HRH1: variants seen among roughly 807,000 people sequenced by gnomAD.
HRH1 encodes the protein histamine H1 receptor.
HRH1 carries 6 observed loss-of-function variants against 10.3 expected under a neutral mutation model. The ratio of observed to expected loss-of-function variants is 0.58; its 90% CI spans 0.32 to 1.15. The LOEUF is 1.15. Among genes scored for constraint, HRH1 ranks in the 50% most tolerant of loss-of-function variants. The pLI is 0.05. For synonymous variants in HRH1, 242 were observed against 236.7 expected (o/e 1.02, Z -0.21); for missense variants, 514 against 615.3 (o/e 0.84, Z 1.74).
At chr3:11,240,427 G>A (rs1221235235) in intron 1 of HRH1, among the ~76,000 whole-genome samples, 3 of 152,002 alleles carry the variant, frequency 2.0e-5, no homozygotes, top group Non-Finnish European at 4.4e-5. Flanking sequence ...GTGAGTGGCA[G>A]CTGCCCTCTT....
rs200865775 is a variant in HRH1 at position 11,263,008 on chromosome 3, T to A, written c.*2507T>A. ...TTACAACAACCTCATGAGGGAGATTTCCATCTTTACAAATAGGCAAACTGA... is the reference window on the plus strand; with the variant it reads ...TTACAACAACCTCATGAGGGAGATTACCATCTTTACAAATAGGCAAACTGA... On this transcript the variant is annotated 3_prime_UTR_variant, in exon 2 of 2. Transcript: ENST00000431010. 6.0e-6 allele frequency: 1 copy of A among 167,104 alleles called. No homozygotes were observed. Among genetic ancestry groups the A allele is most frequent in the Non-Finnish European group, 1.5e-5 (1 of 68,120 alleles). The allele number at this position is 167,104 out of a possible 1,614,324, so 10.4% of individuals were successfully genotyped here. A position where few individuals can be genotyped will look rare whatever the true frequency, so the allele number is the denominator to read the frequency against.
At chr3:11,249,450 GGGGTGAA>G (rs1939580339) in intron 1 of HRH1, among the ~76,000 whole-genome samples, 1 of 151,604 alleles carries the variant, frequency 6.6e-6, no homozygotes, top group Admixed American at 6.6e-5. Context: ...GAGGGAGAAG[GGGGTGAA>G]GGAGGTGGAG....
chr3:11,186,843 A>G (rs1292193862), intron 1 of HRH1, among the ~76,000 whole-genome samples: 1 of 152,222 alleles, frequency 6.6e-6, no homozygotes, highest in Non-Finnish European at 1.5e-5. Flanking sequence ...AAATGCAGAT[A>G]GGAATTTAGT....
intron 1 of HRH1, among the ~76,000 whole-genome samples, chr3:11,193,208 A>G (rs528316941): frequency 6.6e-6 from 1 of 152,244 alleles, no homozygotes; most frequent in Non-Finnish European, 1.5e-5. Context: ...GAAATATCCC[A>G]TATGCAGGCT....
chr3:11,197,137 A>C (rs1937692350), intron 1 of HRH1, among the ~76,000 whole-genome samples: 1 of 151,606 alleles, frequency 6.6e-6, no homozygotes, highest in Non-Finnish European at 1.5e-5. Context: ...AAAAAAAAAA[A>C]AAAGCAGAAT....
chr3:11,193,438 C>G (rs1444842184), intron 1 of HRH1, among the ~76,000 whole-genome samples: 2 of 152,202 alleles, frequency 1.3e-5, no homozygotes, highest in Non-Finnish European at 2.9e-5. Context: ...AACTAGGTGG[C>G]TTATAAACGA....
At chr3:11,153,693 AG>A (rs1936704254), upstream of HRH1, among the ~76,000 whole-genome samples, 4 of 152,264 alleles carry the variant, frequency 2.6e-5, no homozygotes, top group Admixed American at 2.0e-4. Flanking sequence ...GAAGGCAGCC[AG>A]GAAGAATCCT....
chr3:11,230,187 G>A (rs1463151437), intron 1 of HRH1, among the ~76,000 whole-genome samples: 1 of 152,226 alleles, frequency 6.6e-6, no homozygotes, highest in Non-Finnish European at 1.5e-5. Flanking sequence ...GGTAGGTTCA[G>A]GGGAAGATGA....
chr3:11,206,410 G>A (rs1406293704), intron 1 of HRH1, among the ~76,000 whole-genome samples: 1 of 152,228 alleles, frequency 6.6e-6, no homozygotes, highest in East Asian at 1.9e-4. Context: ...GAGCCACCAC[G>A]CCAAGCGTGT....
intron 1 of HRH1, among the ~76,000 whole-genome samples, chr3:11,249,118 T>C (rs1276199207): frequency 2.0e-5 from 3 of 152,068 alleles, no homozygotes; most frequent in Non-Finnish European, 2.9e-5. Flanking sequence ...GGTTTAGGGC[T>C]GGGCGCGGTG....
chr3:11,227,487 A>G (rs1031847069), intron 1 of HRH1, among the ~76,000 whole-genome samples: 1 of 151,926 alleles, frequency 6.6e-6, no homozygotes, highest in Non-Finnish European at 1.5e-5. Context: ...AGGTTTCCCC[A>G]TGTTGTCCAG....
intron 1 of HRH1, among the ~76,000 whole-genome samples, chr3:11,256,280 A>G (rs1165365121): frequency 6.6e-6 from 1 of 152,150 alleles, no homozygotes; most frequent in African/African-American, 2.4e-5. Context: ...ATACCGCTGT[A>G]AGAAAGAGAC....
At chr3:11,238,577 C>T in intron 1 of HRH1, among the ~76,000 whole-genome samples, 1 of 152,158 alleles carries the variant, frequency 6.6e-6, no homozygotes, top group African/African-American at 2.4e-5. Flanking sequence ...AAAATTCACC[C>T]ATTCTAAGTG....
chr3:11,138,915 T>C (rs1936237843), intron 1 of HRH1, among the ~76,000 whole-genome samples: 1 of 151,154 alleles, frequency 6.6e-6, no homozygotes, highest in Non-Finnish European at 1.5e-5. Flanking sequence ...GCTCAAACAA[T>C]CCTCCCACCT....
chr3:11,140,903 T>A (rs1354557891), intron 1 of HRH1, among the ~76,000 whole-genome samples: 1 of 152,206 alleles, frequency 6.6e-6, no homozygotes, highest in African/African-American at 2.4e-5. Flanking sequence ...CAGGCCCGTG[T>A]GTGTTTCTGT....
intron 1 of HRH1, among the ~76,000 whole-genome samples, chr3:11,222,658 C>T (rs923624277): frequency 3.3e-5 from 5 of 152,144 alleles, no homozygotes; most frequent in Middle Eastern, 3.4e-3. Flanking sequence ...CGAGTGTCTG[C>T]TGGCGAGCTG....
chr3:11,227,165 C>A (rs1938910070), intron 1 of HRH1, among the ~76,000 whole-genome samples: 1 of 152,184 alleles, frequency 6.6e-6, no homozygotes, highest in Non-Finnish European at 1.5e-5. Flanking sequence ...ACAGGGGTGA[C>A]CCCACATGGA....
intron 1 of HRH1, among the ~76,000 whole-genome samples, chr3:11,187,652 C>G (rs3898834): frequency 2.1e-3 from 313 of 152,036 alleles, no homozygotes; most frequent in Non-Finnish European, 3.7e-3. Context: ...CTTATGCATG[C>G]AGGAACAGGA....
chr3:11,168,095 C>T lies in HRH1; in HGVS notation c.-36+13541C>T, dbSNP rs140244197. 2.5e-4 allele frequency among the ~76,000 whole-genome samples: 38 copies of T among 151,870 alleles called. 1 individual carries two copies. The East Asian group carries it at 7.4e-3, about 29-fold the overall frequency. ...TACGTAGGGTGGGATGGGCAATGTT[C>T]GAGTCAAGAGAGGATTGAAGCATGC... is the stretch of plus-strand genomic sequence containing the variant. On this transcript the variant is annotated intron_variant, in intron 1 of 1. Transcript: ENST00000431010.
Sources: gnomAD v4.1 joint callset for allele counts (sites outside exome capture counted in the v4.1 genomes callset) on GRCh38, gnomAD v4.1.1 for gene constraint, MANE v1.5 for transcripts, NCBI Gene and HGNC (gene_info 2026-07-23, HGNC 2026-07-21) for gene names.